The following INO80 variants were observed in gnomAD, a reference collection of about 807,000 sequenced individuals.
The protein encoded by INO80 is chromatin-remodeling ATPase INO80.
INO80 carries 20 observed loss-of-function variants against 203.4 expected under a neutral mutation model. That is an observed-to-expected ratio of 0.10 (90% CI 0.07 to 0.14). The LOEUF (loss-of-function observed/expected upper bound fraction) is 0.14, where lower values mean the gene tolerates loss of function less well. INO80 is among the 10% of genes least tolerant of loss of function. The pLI is 1.00. For synonymous variants in INO80, 726 were observed against 685.2 expected (o/e 1.06, Z -0.93); for missense variants, 1,419 against 1,914.4 (o/e 0.74, Z 4.83).
chr15:41,103,807 T>C (rs1408876842), intron 1 of INO80, among the ~76,000 whole-genome samples: 2 of 152,188 alleles, frequency 1.3e-5, no homozygotes, highest in Non-Finnish European at 2.9e-5. Context: ...TGAGTTACTT[T>C]TTACAATTTA....
At chr15:41,105,235 C>T (rs1264246407) in intron 1 of INO80, among the ~76,000 whole-genome samples, 1 of 152,094 alleles carries the variant, frequency 6.6e-6, no homozygotes, top group Non-Finnish European at 1.5e-5. Flanking sequence ...TTGATAAACA[C>T]TTCTTTAAAT....
At chr15:41,040,181 A>T (rs1246130183) in intron 24 of INO80, among the ~76,000 whole-genome samples, 1 of 152,148 alleles carries the variant, frequency 6.6e-6, no homozygotes, top group African/African-American at 2.4e-5. Flanking sequence ...CCCTGCTGCT[A>T]CCAAAAAAAA....
intron 26 of INO80, among the ~76,000 whole-genome samples, chr15:41,020,080 G>T (rs2044267638): frequency 6.6e-6 from 1 of 152,134 alleles, no homozygotes; most frequent in Admixed American, 6.5e-5. Context: ...AATTAGCCAG[G>T]CGTGGTGGTG....
chr15:40,980,418 C>T lies in INO80; in HGVS notation c.4476G>A (p.Leu1492=), dbSNP rs750314628. 5.0e-6 allele frequency: 8 copies of T among 1,613,412 alleles called. No individual in the cohort carries two copies. The Admixed American group carries it at 6.7e-5, about 13-fold the overall frequency. ...CAGCAGGCCGAACAAGGGATGTCTGCAGAGGACTGCTGGCGGAGATTCCTG... is the reference window on the plus strand; with the variant it reads ...CAGCAGGCCGAACAAGGGATGTCTGTAGAGGACTGCTGGCGGAGATTCCTG... ...VSKGISASSP[L]QTSLVRPAGL... Residue 1492 remains leucine, a synonymous_variant, in exon 36 of 36, where the codon CTG becomes CTA. Coordinates refer to ENST00000648947, the MANE Select transcript of INO80 (RefSeq NM_017553.3).
chr15:40,985,541 CT>C (rs1566898992), intron 31 of INO80, 115 bp from the exon 32 acceptor site: 1 of 779,384 alleles, frequency 1.3e-6, no homozygotes, highest in African/African-American at 1.7e-5. Flanking sequence ...TCACTTCTAT[CT>C]GTTTAAGGCA....
chr15:41,070,471 G>A lies in INO80; in HGVS notation c.1682C>T (p.Ala561Val), dbSNP rs2045292312. 4 of 1,613,062 alleles carry A rather than the reference G, an allele frequency of 2.5e-6. No homozygotes were observed. Among genetic ancestry groups the A allele is most frequent in the African/African-American group, 1.3e-5 (1 of 74,872 alleles). ...AGAAAGATTGCATCTACCCACCTCAGCCAGATGGGCCAGAAGGGCAATGCT... is the reference window on the plus strand; with the variant it reads ...AGAAAGATTGCATCTACCCACCTCAACCAGATGGGCCAGAAGGGCAATGCT... ...VQSIALLAHL[A>V]ERENIWGPFL... The change falls in exon 13 of 36, where the codon GCT (alanine) becomes GTT (valine). Residue 561 changes from alanine to valine, a missense_variant. This residue lies in a region of INO80 where 192 missense variants were observed against 406.7 expected (regional missense o/e 0.47). Coordinates refer to ENST00000648947, the MANE Select transcript of INO80 (RefSeq NM_017553.3).
At chr15:41,002,754 A>G (rs1220947935) in intron 28 of INO80, among the ~76,000 whole-genome samples, 1 of 152,246 alleles carries the variant, frequency 6.6e-6, no homozygotes, top group African/African-American at 2.4e-5. Flanking sequence ...AGATATTTCT[A>G]TTCAATAGAA....
At chr15:41,039,407 A>AGT (rs967076846) in intron 24 of INO80, among the ~76,000 whole-genome samples, 7 of 152,034 alleles carry the variant, frequency 4.6e-5, no homozygotes, top group South Asian at 2.1e-4. Flanking sequence ...AACCACATTC[A>AGT]GTGTGTGTGT....
intron 26 of INO80, chr15:41,017,055 C>T (rs771630986): frequency 6.6e-6 from 1 of 151,810 alleles, no homozygotes; most frequent in Non-Finnish European, 1.5e-5. Flanking sequence ...TGGTAAATGT[C>T]GTTAACCCTA....
At chr15:40,999,855 C>A (rs1457535193) in intron 28 of INO80, among the ~76,000 whole-genome samples, 1 of 152,134 alleles carries the variant, frequency 6.6e-6, no homozygotes, top group Non-Finnish European at 1.5e-5. Flanking sequence ...CTCTGGAAGG[C>A]TGAGGTGTGA....
At chr15:41,112,786 CAA>C (rs893121991) in intron 1 of INO80, among the ~76,000 whole-genome samples, 48 of 19,198 alleles carry the variant, frequency 2.5e-3, no homozygotes, top group African/African-American at 6.9e-3. Flanking sequence ...GACTCCATCT[CAA>C]AAAAAAAAAA....
chr15:41,113,404 T>C (rs1180641015), intron 1 of INO80, among the ~76,000 whole-genome samples: 2 of 151,884 alleles, frequency 1.3e-5, no homozygotes, highest in Non-Finnish European at 2.9e-5. Context: ...GTAGCTGGGA[T>C]TACAGGTGCG....
At chr15:41,095,479 C>T (rs928394514) in intron 4 of INO80, 122 bp downstream of exon 4, 3 of 697,030 alleles carry the variant, frequency 4.3e-6, no homozygotes, top group Admixed American at 2.7e-5. Context: ...AAACCACATC[C>T]AGTATAAGAG....
At chr15:41,109,857 G>C (rs375633814) in intron 1 of INO80, among the ~76,000 whole-genome samples, 1 of 151,746 alleles carries the variant, frequency 6.6e-6, no homozygotes. Context: ...ACTTGAACCT[G>C]GGAGATGGAG....
intron 1 of INO80, among the ~76,000 whole-genome samples, chr15:41,102,746 G>A (rs570566729): frequency 6.6e-6 from 1 of 152,246 alleles, no homozygotes; most frequent in East Asian, 1.9e-4. Flanking sequence ...TGAGAACCAT[G>A]CTCTCTGATA....
Position 40,980,121 on chromosome 15 carries a change from C to T in INO80, c.*102G>A, listed in dbSNP as rs1455205692. The stretch of plus-strand genomic sequence containing the variant: ...CCCTGCTGGACATTTCCACTTCTGA[C>T]TCAGGATGCAAGATGCTGCACGGGG... On this transcript the variant is annotated 3_prime_UTR_variant, in exon 36 of 36. Transcript: ENST00000648947. 1.1e-6 allele frequency: 1 copy of T among 926,186 alleles called. No homozygotes were observed. The highest frequency in any genetic ancestry group is 1.7e-5 in the African/African-American group (1 of 60,472). The allele number at this position is 926,186 out of a possible 1,614,324, so 57.4% of individuals were successfully genotyped here. A position where few individuals can be genotyped will look rare whatever the true frequency, so the allele number is the denominator to read the frequency against.
chr15:41,044,566 C>A (rs1237163814), intron 24 of INO80, among the ~76,000 whole-genome samples: 2 of 151,886 alleles, frequency 1.3e-5, no homozygotes, highest in African/African-American at 4.8e-5. Flanking sequence ...ACTAGAGCTA[C>A]TAAACGGAAA....
At chr15:40,983,120 AGTC>A in intron 34 of INO80, 43 bp from the exon 35 acceptor site, 2 of 1,451,728 alleles carry the variant, frequency 1.4e-6, no homozygotes, top group Non-Finnish European at 1.9e-6. Context: ...AAAAAAAAAA[AGTC>A]AATCTCCAAG....
rs747214516 is a variant in INO80, at chr15:41,092,192, G to A, written c.382-10C>T. 1 of 1,568,472 alleles carries A rather than the reference G, an allele frequency of 6.4e-7. No homozygotes were observed. The highest frequency in any genetic ancestry group is 8.7e-7 in the Non-Finnish European group (1 of 1,145,796). ...CACTTAGCAGAATGCTCTGAAAAGG[G>A]TGAAAATAGAAATGTATCTTTTGCT... is the stretch of plus-strand genomic sequence containing the variant. On this transcript the variant is annotated splice_polypyrimidine_tract_variant and intron_variant, in intron 4 of 35. Transcript: ENST00000648947.
Sources: gnomAD v4.1 joint callset for allele counts (sites outside exome capture counted in the v4.1 genomes callset) on GRCh38, gnomAD v4.1.1 for gene constraint, gnomAD v4.1.1 regional missense constraint, MANE v1.5 for transcripts, NCBI Gene and HGNC (gene_info 2026-07-23, HGNC 2026-07-21) for gene names.